The following MROH1 variants were observed in gnomAD, a reference collection of about 807,000 sequenced individuals.
The protein encoded by MROH1 is maestro heat-like repeat-containing protein family member 1.
Under a neutral mutation model 116.5 loss-of-function variants are expected in MROH1, and 117 were observed. That is an observed-to-expected ratio of 1.00 (90% CI 0.86 to 1.17). MROH1 has a LOEUF of 1.17. Ranked by LOEUF, MROH1 falls within the 50% of genes most tolerant of loss-of-function variation. MROH1 has a pLI of 0.00. For synonymous variants in MROH1, 921 were observed against 583.9 expected, an observed-to-expected ratio of 1.58 and a Z score of -8.32; for missense variants, 1,873 against 1,338.5, an observed-to-expected ratio of 1.40 and a Z score of -6.23.
chr8:144,252,077 G>A (rs1224900648), intron 33 of MROH1: 6 of 187,716 alleles, frequency 3.2e-5, no homozygotes, highest in Non-Finnish European at 6.8e-5. Context: ...ACAGTGCTGG[G>A]TGCCGTGTGG....
rs1174558233 is a variant in MROH1 at position 144,155,671 on chromosome 8, G to C, written c.-176-5299G>C. Among the ~76,000 whole-genome samples the C allele has an allele frequency of 3.1e-5, 4 of 128,668 alleles. No individual in the cohort carries two copies. In the Admixed American group the frequency reaches 3.5e-4, roughly 11 times the overall value. 84.4% of individuals were successfully genotyped at this position (128,668 alleles called of 152,430 possible). On this transcript the variant is annotated intron_variant, in intron 1 of 43. Coordinates refer to ENST00000326134, the MANE Select transcript of MROH1 (RefSeq NM_032450.3). ...TTTTTTTTTTTTGAGATGGAGTCTT[G>C]CTTTGTCACCCAGGCCAGAATGCAC...
chr8:144,259,962 G>A lies in MROH1; in HGVS notation c.4096G>A (p.Glu1366Lys). ...CCTCATGCTCTTGGACTCGCTGCTGGAGAGCCTGGCGGCTCGCCAGAAGGA... is the reference window on the plus strand; with the variant it reads ...CCTCATGCTCTTGGACTCGCTGCTGAAGAGCCTGGCGGCTCGCCAGAAGGA... ...NDLMLLDSLLESLAARQKDTC... is the reference protein window; with the variant it reads ...NDLMLLDSLLKSLAARQKDTC... The change falls in exon 38 of 44, where the codon GAG (glutamate) becomes AAG (lysine). Residue 1366 changes from glutamate (E) to lysine (K), a missense_variant. Glu to Lys is a moderately conservative substitution (Grantham distance 56, BLOSUM62 1). Coordinates refer to ENST00000326134, the MANE Select transcript of MROH1 (RefSeq NM_032450.3). 1 of 742,416 alleles carries A rather than the reference G, an allele frequency of 1.3e-6. No individual in the cohort carries two copies. The highest frequency in any genetic ancestry group is 2.6e-5 in the East Asian group (1 of 39,008). The allele number at this position is 742,416 out of a possible 1,614,324, so 46.0% of individuals were successfully genotyped here. A position where few individuals can be genotyped will look rare whatever the true frequency, so the allele number is the denominator to read the frequency against.
At chr8:144,194,937 G>T (rs915821463) in intron 10 of MROH1, among the ~76,000 whole-genome samples, 1 of 151,208 alleles carries the variant, frequency 6.6e-6, no homozygotes, top group African/African-American at 2.4e-5. Flanking sequence ...CTGCAAATTT[G>T]CCAGTTACAA....
intron 4 of MROH1, among the ~76,000 whole-genome samples, chr8:144,176,914 G>A (rs766037941): frequency 2.0e-5 from 3 of 152,054 alleles, no homozygotes; most frequent in Admixed American, 1.3e-4. Context: ...GGAGTCATGT[G>A]TAGCCGGTGG....
At chr8:144,242,996 G>C (rs897501465) in intron 24 of MROH1, among the ~76,000 whole-genome samples, 1 of 152,224 alleles carries the variant, frequency 6.6e-6, no homozygotes, top group Non-Finnish European at 1.5e-5. Flanking sequence ...GAGGGGCCAA[G>C]GCCCAAAGCC....
intron 10 of MROH1, chr8:144,192,747 C>A: frequency 2.3e-6 from 1 of 433,758 alleles, no homozygotes; most frequent in East Asian, 5.2e-5. Context: ...GGACTGAGCT[C>A]AGAGGAGCAG....
At chr8:144,149,189 G>A (rs1323610329) in intron 1 of MROH1, among the ~76,000 whole-genome samples, 10 of 152,142 alleles carry the variant, frequency 6.6e-5, no homozygotes, top group Non-Finnish European at 1.2e-4. Flanking sequence ...TAGGTGGTAC[G>A]TGTTTGTGAC....
intron 12 of MROH1, among the ~76,000 whole-genome samples, chr8:144,215,531 C>T (rs1835036014): frequency 6.6e-6 from 1 of 152,228 alleles, no homozygotes; most frequent in African/African-American, 2.4e-5. Flanking sequence ...CCCTAGAGGA[C>T]CACTTCCTGG....
At position 144,239,307 on chromosome 8, in the gene MROH1, C is replaced by T. The variant is rs1159368873; in HGVS notation, c.1592-16C>T. ...CAGGCAGCCCCCCACTGACTATTTC[C>T]ACCTCTCATCTCCAGCGAGCCTCCC... On this transcript the variant is annotated splice_polypyrimidine_tract_variant and intron_variant, in intron 16 of 43. Transcript: ENST00000326134. 6 of 780,410 alleles carry T rather than the reference C, an allele frequency of 7.7e-6. No homozygotes were observed. The highest frequency in any genetic ancestry group is 1.2e-5 in the Non-Finnish European group (5 of 417,800). The allele number at this position is 780,410 out of a possible 1,614,324, so 48.3% of individuals were successfully genotyped here.
chr8:144,250,452 C>T, intron 33 of MROH1, 86 bp downstream of exon 33: 1 of 703,192 alleles, frequency 1.4e-6, no homozygotes, highest in Non-Finnish European at 2.6e-6. Context: ...CCACCCGGCT[C>T]TGCACCCCGA....
rs1235536678 is a variant in MROH1 at position 144,163,276 on chromosome 8, C to T, written c.-56-495C>T. 2.0e-5 allele frequency among the ~76,000 whole-genome samples: 3 copies of T among 152,180 alleles called. No individual in the cohort carries two copies. Among genetic ancestry groups the T allele is most frequent in the African/African-American group, 7.2e-5 (3 of 41,442 alleles). The stretch of plus-strand genomic sequence containing the variant: ...TGCAGCCCCTCTGATGACGTAGGTC[C>T]TCAGAAAGCGTGACACAAGACTTGA... On this transcript the variant is annotated intron_variant, in intron 2 of 43. Coordinates refer to ENST00000326134, the MANE Select transcript of MROH1 (RefSeq NM_032450.3). The surrounding 1 kb of genome is among the most constrained non-coding windows in gnomAD (Gnocchi z 4.4).
At chr8:144,153,396 C>A (rs1176586634) in intron 1 of MROH1, among the ~76,000 whole-genome samples, 7 of 151,970 alleles carry the variant, frequency 4.6e-5, no homozygotes, top group African/African-American at 1.7e-4. Flanking sequence ...GGCGTTTCAC[C>A]ATGTTGGCCA....
intron 1 of MROH1, among the ~76,000 whole-genome samples, chr8:144,156,439 G>A (rs985625734): frequency 2.0e-5 from 3 of 151,840 alleles, no homozygotes; most frequent in Admixed American, 2.0e-4. Context: ...GGGCACGGTG[G>A]CTCACACCTA....
At chr8:144,188,065 C>T (rs1439839167) in intron 7 of MROH1, among the ~76,000 whole-genome samples, 1 of 152,234 alleles carries the variant, frequency 6.6e-6, no homozygotes. Context: ...GCAGGACTGT[C>T]GGGAGCACCT....
chr8:144,235,073 T>C (rs1190130880), intron 14 of MROH1, among the ~76,000 whole-genome samples: 1 of 151,730 alleles, frequency 6.6e-6, no homozygotes, highest in East Asian at 1.9e-4. Context: ...GTTTTTGTAT[T>C]TTAGTAGAGA....
At chr8:144,252,183 T>A (rs1390084887) in intron 33 of MROH1, 1 of 166,696 alleles carries the variant, frequency 6.0e-6, no homozygotes, top group African/African-American at 2.4e-5. Flanking sequence ...TTCCTGGGAG[T>A]GTCTGTTGGT....
intron 33 of MROH1, among the ~76,000 whole-genome samples, chr8:144,253,583 T>G (rs1843196675): frequency 6.6e-6 from 1 of 152,192 alleles, no homozygotes; most frequent in South Asian, 2.1e-4. Flanking sequence ...GCTGTGTGCC[T>G]GCCCTCCTGT....
Position 144,223,238 on chromosome 8 carries a change from G to T in MROH1, c.1338+8G>T. On this transcript the variant is annotated splice_region_variant and intron_variant, in intron 14 of 43. Coordinates refer to ENST00000326134, the MANE Select transcript of MROH1 (RefSeq NM_032450.3). ...CTGCCCCCCGAGCAGGAGGTAAGGG[G>T]CTGCCACCTTGCCTGCCTCCTAGGC... is the stretch of plus-strand genomic sequence containing the variant. 1.9e-6 allele frequency: 3 copies of T among 1,593,282 alleles called. No homozygotes were observed. Among genetic ancestry groups the T allele is most frequent in the Non-Finnish European group, 2.6e-6 (3 of 1,170,784 alleles).
intron 12 of MROH1, among the ~76,000 whole-genome samples, chr8:144,212,231 C>G (rs1834278295): frequency 6.6e-6 from 1 of 152,072 alleles, no homozygotes. Context: ...CTTGCAGGTG[C>G]ACACCACCAC....
Sources: allele counts gnomAD v4.1 joint callset (sites outside exome capture counted in the v4.1 genomes callset), GRCh38; gene constraint gnomAD v4.1.1; non-coding constraint Gnocchi (gnomAD v3.1); transcripts MANE v1.5; gene names NCBI Gene and HGNC (gene_info 2026-07-23, HGNC 2026-07-21).